Variants in FBXL20 observed in about 807,000 individuals in gnomAD.
FBXL20 encodes F-box and leucine rich repeat protein 20.
FBXL20 carries 11 observed loss-of-function variants against 64.0 expected under a neutral mutation model. The observed-to-expected ratio is 0.17, with a 90% CI of 0.11 to 0.28. The LOEUF is 0.28. FBXL20 is among the 10% of genes least tolerant of loss of function. FBXL20 has a pLI of 1.00. For synonymous variants in FBXL20, 184 were observed against 189.0 expected (o/e 0.97, Z 0.22); for missense variants, 303 against 526.2 (o/e 0.58, Z 4.15).
At position 39,294,109 on chromosome 17, in the gene FBXL20, G is replaced by A. The variant is rs1270429823; in HGVS notation, c.398+3018C>T. 4.0e-5 allele frequency among the ~76,000 whole-genome samples: 6 copies of A among 151,678 alleles called. No individual in the cohort carries two copies. In the South Asian group the frequency reaches 1.0e-3, roughly 26 times the overall value. Reference sequence around the variant, plus strand: ...TCTAGTTGTTTACAGCAGGAGGGCAGTTATTGTCACTGTGAGAAGGAGAAG... The same window carrying A: ...TCTAGTTGTTTACAGCAGGAGGGCAATTATTGTCACTGTGAGAAGGAGAAG... On this transcript the variant is annotated intron_variant, in intron 6 of 14. Coordinates refer to ENST00000264658, the MANE Select transcript of FBXL20 (RefSeq NM_032875.3).
At chr17:39,340,875 T>A (rs1419725843) in intron 2 of FBXL20, among the ~76,000 whole-genome samples, 1 of 151,856 alleles carries the variant, frequency 6.6e-6, no homozygotes, top group African/African-American at 2.4e-5. Flanking sequence ...ATGAATTTTT[T>A]AAAATTACAA....
chr17:39,269,689 G>C (rs1169485356), intron 11 of FBXL20, among the ~76,000 whole-genome samples: 8 of 151,252 alleles, frequency 5.3e-5, no homozygotes, highest in Admixed American at 5.3e-4. Context: ...GTAAAGTCAG[G>C]GTTTCTCCAT....
At chr17:39,337,220 A>G (rs1302048898) in intron 2 of FBXL20, among the ~76,000 whole-genome samples, 1 of 152,210 alleles carries the variant, frequency 6.6e-6, no homozygotes, top group East Asian at 1.9e-4. Context: ...GCTCCTAACC[A>G]CGAGTGATCC....
intron 1 of FBXL20, among the ~76,000 whole-genome samples, chr17:39,375,045 A>G (rs1179408757): frequency 6.6e-6 from 1 of 152,154 alleles, no homozygotes; most frequent in Non-Finnish European, 1.5e-5. Context: ...TCGGCCTCCC[A>G]AAGTGCTGAG....
chr17:39,393,017 G>A (rs933589398), intron 1 of FBXL20, among the ~76,000 whole-genome samples: 5 of 151,416 alleles, frequency 3.3e-5, no homozygotes, highest in African/African-American at 4.9e-5. Context: ...AGGCCGGCAC[G>A]GTGGCTCATG....
chr17:39,308,106 G>A (rs956377354), intron 2 of FBXL20, among the ~76,000 whole-genome samples: 29 of 152,094 alleles, frequency 1.9e-4, no homozygotes, highest in African/African-American at 6.5e-4. Context: ...GGGAGGCCAA[G>A]GCAGGTGGAG....
At chr17:39,317,671 G>A (rs1326610672) in intron 2 of FBXL20, among the ~76,000 whole-genome samples, 6 of 131,534 alleles carry the variant, frequency 4.6e-5, no homozygotes, top group African/African-American at 1.8e-4. Flanking sequence ...AGGAGAGTTT[G>A]ACTTTGTTTT....
intron 1 of FBXL20, among the ~76,000 whole-genome samples, chr17:39,385,236 C>A (rs549653562): frequency 4.6e-5 from 7 of 151,118 alleles, no homozygotes; most frequent in African/African-American, 1.7e-4. Context: ...AACACACACG[C>A]GCGTGCGTGC....
At chr17:39,399,927 T>C (rs2048225218) in intron 1 of FBXL20, among the ~76,000 whole-genome samples, 1 of 152,212 alleles carries the variant, frequency 6.6e-6, no homozygotes, top group African/African-American at 2.4e-5. Flanking sequence ...AAATCTTCAG[T>C]ATCTGGAACT....
At chr17:39,391,732 C>T (rs1439213317) in intron 1 of FBXL20, among the ~76,000 whole-genome samples, 1 of 151,936 alleles carries the variant, frequency 6.6e-6, no homozygotes, top group African/African-American at 2.4e-5. Context: ...GATGAAAAAA[C>T]ATTCCAACAG....
intron 3 of FBXL20, among the ~76,000 whole-genome samples, chr17:39,303,205 G>A (rs1371088645): frequency 1.3e-5 from 2 of 151,526 alleles, no homozygotes; most frequent in Non-Finnish European, 2.9e-5. Context: ...GCCAGCAGTG[G>A]ATGTTACTAC....
intron 9 of FBXL20, among the ~76,000 whole-genome samples, chr17:39,278,266 C>T (rs1455639580): frequency 1.3e-5 from 2 of 152,108 alleles, no homozygotes; most frequent in Non-Finnish European, 2.9e-5. Flanking sequence ...CTGCCTCAGA[C>T]TCCTGAGTAG....
At chr17:39,269,279 T>C (rs972090070) in intron 11 of FBXL20, among the ~76,000 whole-genome samples, 14 of 151,936 alleles carry the variant, frequency 9.2e-5, no homozygotes, top group Admixed American at 2.0e-4. Flanking sequence ...CGGCAAGCTC[T>C]ACCTCCCGGG....
chr17:39,323,341 C>T (rs1006022060), intron 2 of FBXL20, among the ~76,000 whole-genome samples: 1 of 152,044 alleles, frequency 6.6e-6, no homozygotes, highest in Non-Finnish European at 1.5e-5. Context: ...TAATTATATC[C>T]AGTACTGTGT....
intron 1 of FBXL20, among the ~76,000 whole-genome samples, chr17:39,397,891 C>T (rs2048199107): frequency 6.6e-6 from 1 of 151,952 alleles, no homozygotes; most frequent in Non-Finnish European, 1.5e-5. Context: ...CCTGGTTCCC[C>T]CACTTACTAG....
chr17:39,316,861 C>A (rs921238757), intron 2 of FBXL20, among the ~76,000 whole-genome samples: 1 of 152,154 alleles, frequency 6.6e-6, no homozygotes. Context: ...TGGTGCTGGG[C>A]GCCTGTAATC....
intron 1 of FBXL20, among the ~76,000 whole-genome samples, chr17:39,381,577 G>A (rs1445499808): frequency 6.6e-6 from 1 of 151,776 alleles, no homozygotes; most frequent in Non-Finnish European, 1.5e-5. Context: ...GATAACTTGA[G>A]CCCAGGAGTT....
intron 1 of FBXL20, among the ~76,000 whole-genome samples, chr17:39,395,398 T>G (rs550129361): frequency 1.3e-5 from 2 of 152,280 alleles, no homozygotes; most frequent in South Asian, 4.1e-4. Flanking sequence ...CACTCCAGCC[T>G]GGGCAACAGA....
intron 3 of FBXL20, among the ~76,000 whole-genome samples, chr17:39,302,754 C>T (rs1053143621): frequency 2.6e-5 from 4 of 152,134 alleles, no homozygotes; most frequent in African/African-American, 9.7e-5. Context: ...AAGCAATCCT[C>T]CCATCTTGGC....
Sources: allele counts gnomAD v4.1 joint callset (sites outside exome capture counted in the v4.1 genomes callset), GRCh38; gene constraint gnomAD v4.1.1; transcripts MANE v1.5; gene names NCBI Gene and HGNC (gene_info 2026-07-23, HGNC 2026-07-21).